Variants in UBA6 observed in about 807,000 individuals in gnomAD.
UBA6 encodes ubiquitin-like modifier-activating enzyme 6.
UBA6 carries 87 observed loss-of-function variants against 148.3 expected under a neutral mutation model. That is an observed-to-expected ratio of 0.59 (90% CI 0.49 to 0.70). UBA6 has a LOEUF of 0.70. UBA6 is among the 30% of genes least tolerant of loss of function. The probability of loss-of-function intolerance (pLI) is 0.00; values close to 1 mark genes in which losing one functional copy is unlikely to be tolerated. For synonymous variants in UBA6, 376 were observed against 401.0 expected (o/e 0.94, Z 0.75); for missense variants, 1,186 against 1,241.2 (o/e 0.96, Z 0.67).
At chr4:67,653,995 T>C (rs1729620676) in intron 13 of UBA6, among the ~76,000 whole-genome samples, 2 of 150,300 alleles carry the variant, frequency 1.3e-5, no homozygotes, top group Admixed American at 1.3e-4. Context: ...GAAAAAAGAG[T>C]AAAAAGAAAT....
chr4:67,625,694 G>T (rs1728851338), intron 28 of UBA6, among the ~76,000 whole-genome samples: 1 of 151,702 alleles, frequency 6.6e-6, no homozygotes, highest in Non-Finnish European at 1.5e-5. Flanking sequence ...TGTTATTCTG[G>T]GTTATTTTTC....
chr4:67,662,367 C>A, intron 12 of UBA6, 112 bp from the exon 13 acceptor site: 3 of 797,632 alleles, frequency 3.8e-6, no homozygotes, highest in South Asian at 2.0e-5. Context: ...GGATTTTTGC[C>A]AACAGGTAGC....
At chr4:67,665,411 G>GTT in intron 9 of UBA6, 119 bp from the exon 10 acceptor site, 3 of 467,632 alleles carry the variant, frequency 6.4e-6, no homozygotes, top group Non-Finnish European at 1.1e-5. Context: ...TTCCAGCATA[G>GTT]TGTTTTTTTT....
intron 2 of UBA6, among the ~76,000 whole-genome samples, chr4:67,693,471 G>A (rs1730747396): frequency 6.6e-6 from 1 of 152,082 alleles, no homozygotes; most frequent in African/African-American, 2.4e-5. Flanking sequence ...GTCATATGTG[G>A]ATTTTCGACT....
At chr4:67,693,876 A>G (rs1175258305) in intron 2 of UBA6, among the ~76,000 whole-genome samples, 2 of 152,104 alleles carry the variant, frequency 1.3e-5, no homozygotes, top group Non-Finnish European at 2.9e-5. Context: ...CCAAAGTCCT[A>G]GGTCTTATAC....
At chr4:67,629,902 T>A (rs1480574833) in intron 26 of UBA6, among the ~76,000 whole-genome samples, 5 of 152,132 alleles carry the variant, frequency 3.3e-5, no homozygotes, top group Non-Finnish European at 7.4e-5. Context: ...TACAGCAATT[T>A]ACTTAGCTAG....
intron 13 of UBA6, among the ~76,000 whole-genome samples, chr4:67,652,275 G>A (rs1403551620): frequency 6.6e-6 from 1 of 151,948 alleles, no homozygotes; most frequent in African/African-American, 2.4e-5. Context: ...TTAAAAACAG[G>A]CAAAGATTTC....
At chr4:67,649,315 G>T in intron 13 of UBA6, 104 bp from the exon 14 acceptor site, 1 of 1,128,406 alleles carries the variant, frequency 8.9e-7, no homozygotes, top group Non-Finnish European at 1.2e-6. Context: ...TTCTAAAAAA[G>T]CTATTCAGTT....
chr4:67,664,656 T>C lies in UBA6; in HGVS notation c.897+533A>G, dbSNP rs571848527. 7.9e-5 allele frequency among the ~76,000 whole-genome samples: 12 copies of C among 152,224 alleles called. No individual in the cohort carries two copies. The South Asian group carries it at 2.5e-3, about 32-fold the overall frequency. On this transcript the variant is annotated intron_variant, in intron 10 of 32. Coordinates refer to ENST00000322244, the MANE Select transcript of UBA6 (RefSeq NM_018227.6). Reference sequence around the variant, plus strand: ...CATTCTCTATATTCAGCTATTTACATTTTGCTTTCAATGCCAGTCGTTTTT... The same window carrying C: ...CATTCTCTATATTCAGCTATTTACACTTTGCTTTCAATGCCAGTCGTTTTT...
At chr4:67,642,008 T>A (rs957328647) in intron 17 of UBA6, among the ~76,000 whole-genome samples, 2 of 152,156 alleles carry the variant, frequency 1.3e-5, no homozygotes, top group Admixed American at 6.5e-5. Context: ...TTCTTTTAGT[T>A]GTTATTTCCC....
chr4:67,644,713 G>T lies in UBA6; in HGVS notation c.1461C>A (p.Ser487Arg). The change falls in exon 17 of 33, where the codon AGC becomes AGA. Residue 487 changes from serine (S) to arginine (R), a missense_variant. Transcript: ENST00000322244. ...GATATCTTACCATTCCTTTCTCTTTGCTTGTGCCAACACCAAGTAAAGCAA... is the reference window on the plus strand; with the variant it reads ...GATATCTTACCATTCCTTTCTCTTTTCTTGTGCCAACACCAAGTAAAGCAA... ...KNFALLGVGT[S>R]KEKGMITVTD... The T allele has an allele frequency of 6.3e-7, 1 of 1,598,574 alleles. No homozygotes were observed. Among genetic ancestry groups the T allele is most frequent in the Non-Finnish European group, 8.6e-7 (1 of 1,166,190 alleles).
chr4:67,632,829 GTTT>G (rs113887101), intron 23 of UBA6, among the ~76,000 whole-genome samples: 34 of 150,850 alleles, frequency 2.3e-4, no homozygotes, highest in Non-Finnish European at 4.1e-4. Flanking sequence ...CTGTTTTTTT[GTTT>G]TTTTTTAAAG....
chr4:67,641,815 C>T (rs764307987), intron 17 of UBA6, among the ~76,000 whole-genome samples: 61 of 152,218 alleles, frequency 4.0e-4, no homozygotes, highest in Non-Finnish European at 8.1e-4. Flanking sequence ...CTTTGGTCTG[C>T]AAAGTTGAAA....
At chr4:67,649,436 ATT>A (rs950468740) in intron 13 of UBA6, among the ~76,000 whole-genome samples, 1 of 151,854 alleles carries the variant, frequency 6.6e-6, no homozygotes, top group African/African-American at 2.4e-5. Flanking sequence ...TTGTCTTTGG[ATT>A]CTATATGTCA....
intron 19 of UBA6, among the ~76,000 whole-genome samples, chr4:67,637,239 T>C (rs1266888984): frequency 2.7e-4 from 37 of 135,528 alleles, no homozygotes; most frequent in Non-Finnish European, 5.1e-4. Context: ...GCAGCACCCG[T>C]CTGGCCAGCC....
At chr4:67,639,897 C>G (rs1192896286) in intron 18 of UBA6, among the ~76,000 whole-genome samples, 1 of 152,196 alleles carries the variant, frequency 6.6e-6, no homozygotes, top group South Asian at 2.1e-4. Context: ...ATTTTCAGAT[C>G]CTGGTTGACC....
Position 67,626,453 on chromosome 4 carries a change from T to C in UBA6, c.2425A>G (p.Arg809Gly), listed in dbSNP as rs983343414. Reference sequence around the variant, plus strand: ...CTAATAGGAACATGGTCTGGTTTCCTTGCAGTTTCATCTGTTTGAACAACC... The same window carrying C: ...CTAATAGGAACATGGTCTGGTTTCCCTGCAGTTTCATCTGTTTGAACAACC... ...NKVVQTDETA[R>G]KPDHVPISSE... Residue 809 changes from arginine to glycine, a missense_variant, in exon 28 of 33, where the codon AGG (arginine) becomes GGG (glycine). Physicochemically the swap from Arg to Gly is moderately radical, Grantham distance 125. Coordinates refer to ENST00000322244, the MANE Select transcript of UBA6 (RefSeq NM_018227.6). 11 of 1,610,156 alleles carry C rather than the reference T, an allele frequency of 6.8e-6. No homozygotes were observed. The highest frequency in any genetic ancestry group is 1.3e-5 in the African/African-American group (1 of 74,806).
At chr4:67,676,755 A>G (rs992503296) in intron 6 of UBA6, among the ~76,000 whole-genome samples, 1 of 152,096 alleles carries the variant, frequency 6.6e-6, no homozygotes, top group African/African-American at 2.4e-5. Flanking sequence ...TTTTCCTTAC[A>G]TTATTTTGAG....
intron 2 of UBA6, among the ~76,000 whole-genome samples, chr4:67,689,380 A>T (rs758677001): frequency 2.6e-5 from 4 of 152,170 alleles, no homozygotes; most frequent in Non-Finnish European, 5.9e-5. Flanking sequence ...TTGAAGTATC[A>T]ACCTTACATA....
Sources: allele counts gnomAD v4.1 joint callset (sites outside exome capture counted in the v4.1 genomes callset), GRCh38; gene constraint gnomAD v4.1.1; transcripts MANE v1.5; gene names NCBI Gene and HGNC (gene_info 2026-07-23, HGNC 2026-07-21).